Variants in COL8A2 observed in about 807,000 individuals in gnomAD.
COL8A2 encodes the protein collagen type VIII alpha 2 chain.
COL8A2 carries 16 observed loss-of-function variants against 24.0 expected under a neutral mutation model. The ratio of observed to expected loss-of-function variants is 0.67; its 90% CI spans 0.45 to 1.01. The LOEUF (loss-of-function observed/expected upper bound fraction) is 1.01, where lower values mean the gene tolerates loss of function less well. COL8A2 is among the 50% of genes least tolerant of loss of function. The probability of loss-of-function intolerance (pLI) is 0.00; values close to 1 mark genes in which losing one functional copy is unlikely to be tolerated. For missense variants in COL8A2, 818 were observed against 942.4 expected, an observed-to-expected ratio of 0.87 and a Z score of 1.73; for synonymous variants, 466 against 424.5, an observed-to-expected ratio of 1.10 and a Z score of -1.20.
Position 36,098,844 on chromosome 1 carries a change from A to G in COL8A2, c.837T>C (p.Gly279=), listed in dbSNP as rs1366693146. 6.2e-7 allele frequency: 1 copy of G among 1,611,736 alleles called. No homozygotes were observed. The highest frequency in any genetic ancestry group is 1.7e-5 in the Admixed American group (1 of 59,976). ...ACCCTGCTGCCCCTGGGACTCCCAC[A>G]CCGTCTACTCCAGGAGGTCCTTTTG... ...VGPKGPPGVD[G]VGVPGAAGLP... is the part of the protein sequence containing the mutation. Residue 279 remains glycine (G), a synonymous_variant, in exon 4 of 4, where the codon GGT becomes GGC. Transcript: ENST00000397799.
At chr1:36,116,475 C>T (rs758287428) in intron 1 of COL8A2, among the ~76,000 whole-genome samples, 22 of 152,230 alleles carry the variant, frequency 1.4e-4, no homozygotes, top group Non-Finnish European at 1.6e-4. Flanking sequence ...GTGGAGGACC[C>T]AAGCCTGGGT....
intron 2 of COL8A2, among the ~76,000 whole-genome samples, chr1:36,102,425 C>T (rs1303991585): frequency 1.3e-5 from 2 of 151,950 alleles, no homozygotes; most frequent in African/African-American, 4.8e-5. Context: ...CTCAGCCTCC[C>T]AAGTAGCTGG....
Position 36,115,629 on chromosome 1 carries a change from GA to G in COL8A2, c.-17+78del. On this transcript the variant is annotated intron_variant, in intron 2 of 3. Transcript: ENST00000397799. The surrounding 1 kb of genome is among the most constrained non-coding windows in gnomAD (Gnocchi z 5.7). ...GAGGGGCTTCCGGTGCAGCAGGAGG[GA>G]GTGAGGTTAGACAGCAATGAACACA... 1.2e-6 allele frequency: 1 copy of G among 819,092 alleles called. No individual in the cohort carries two copies. The highest frequency in any genetic ancestry group is 1.2e-4 in the East Asian group (1 of 8,034). The allele number at this position is 819,092 out of a possible 1,614,324, so 50.7% of individuals were successfully genotyped here.
chr1:36,098,427 TC>T lies in COL8A2; in HGVS notation c.1253del (p.Gly418AspfsTer41). The T allele has an allele frequency of 6.3e-7, 1 of 1,582,512 alleles. No individual in the cohort carries two copies. The highest frequency in any genetic ancestry group is 8.6e-7 in the Non-Finnish European group (1 of 1,164,938). On this transcript the variant is annotated frameshift_variant, in exon 4 of 4. Transcript: ENST00000397799. LOFTEE classifies it high-confidence loss of function. ...CCTTGGGCCCAGTTGGTCCAGGGGGTCCATGGGCCCCAGGAAGTCCCCTCTC... is the reference window on the plus strand; with the variant it reads ...CCTTGGGCCCAGTTGGTCCAGGGGGTCATGGGCCCCAGGAAGTCCCCTCTC... The part of the protein sequence containing the change: ...PGERGLPGAH[G>X]PPGPTGPKGE...
At chr1:36,110,030 C>T (rs1288835418) in intron 2 of COL8A2, among the ~76,000 whole-genome samples, 2 of 148,536 alleles carry the variant, frequency 1.3e-5, no homozygotes, top group Non-Finnish European at 3.0e-5. Context: ...CCTAGGTTCA[C>T]GCCATTCTCC....
chr1:36,121,931 C>G (rs1399281884), intron 1 of COL8A2, among the ~76,000 whole-genome samples: 1 of 152,124 alleles, frequency 6.6e-6, no homozygotes, highest in African/African-American at 2.4e-5. Flanking sequence ...TGCCACCTGG[C>G]TCTCCCCATG....
intron 1 of COL8A2, among the ~76,000 whole-genome samples, chr1:36,116,072 AG>A (rs961066301): frequency 1.4e-5 from 2 of 147,028 alleles, no homozygotes; most frequent in African/African-American, 5.1e-5. Flanking sequence ...AAAAAAAAAA[AG>A]GAGGAACAGT....
chr1:36,099,973 T>C, intron 3 of COL8A2, 77 bp downstream of exon 3: 1 of 1,402,676 alleles, frequency 7.1e-7, no homozygotes, highest in African/African-American at 1.4e-5. Flanking sequence ...CGCCTGAGGA[T>C]CTGATGGCTC....
intron 2 of COL8A2, among the ~76,000 whole-genome samples, chr1:36,113,235 G>A (rs951920126): frequency 5.9e-5 from 9 of 152,148 alleles, no homozygotes; most frequent in Non-Finnish European, 4.4e-5. Flanking sequence ...CTGAACCCAG[G>A]CCTTTGCCTC....
intron 1 of COL8A2, among the ~76,000 whole-genome samples, chr1:36,124,117 C>T (rs1306312788): frequency 1.3e-5 from 2 of 152,140 alleles, no homozygotes; most frequent in Non-Finnish European, 2.9e-5. Flanking sequence ...GGATGAGCCC[C>T]TGCTGCCAGC....
chr1:36,114,925 C>T (rs1403949505), intron 2 of COL8A2, among the ~76,000 whole-genome samples: 1 of 152,176 alleles, frequency 6.6e-6, no homozygotes, highest in Non-Finnish European at 1.5e-5. Flanking sequence ...GGCCTCTGCC[C>T]ATCTCTGAGT....
intron 2 of COL8A2, among the ~76,000 whole-genome samples, chr1:36,114,032 T>A (rs1432377736): frequency 6.6e-6 from 1 of 151,732 alleles, no homozygotes; most frequent in South Asian, 2.1e-4. Flanking sequence ...AAAATACAGG[T>A]TCGTGGCTGG....
At chr1:36,113,286 A>G (rs1165773664) in intron 2 of COL8A2, among the ~76,000 whole-genome samples, 1 of 152,066 alleles carries the variant, frequency 6.6e-6, no homozygotes, top group Non-Finnish European at 1.5e-5. Flanking sequence ...CGTCTCTCTC[A>G]TCCTGTCTCT....
In COL8A2 at chr1:36,102,671, G is replaced by GT. The variant is rs71053904; in HGVS notation, c.-16-2414dup. On this transcript the variant is annotated intron_variant, in intron 2 of 3. Coordinates refer to ENST00000397799, the MANE Select transcript of COL8A2 (RefSeq NM_005202.4). ...ATTATATCTATAAAGCTGGTTTTTT[G>GT]TTTTTTTTTTTTTTTTTTGAGATGG... Among the ~76,000 whole-genome samples the GT allele has an allele frequency of 1.3e-3, 156 of 122,370 alleles. 2 individuals are homozygous for GT. Among genetic ancestry groups the GT allele is most frequent in the Non-Finnish European group, 1.6e-3 (100 of 63,212 alleles). The allele number at this position is 122,370 out of a possible 152,430, so 80.3% of individuals were successfully genotyped here.
chr1:36,123,507 G>T lies in COL8A2; in HGVS notation c.-62+1550C>A, dbSNP rs1643929376. ...TCATTTTCACTGTGGTAGACGAAGT[G>T]AAACCAGAGAAAGAGACCCTGGTGA... On this transcript the variant is annotated intron_variant, in intron 1 of 3. Coordinates refer to ENST00000397799, the MANE Select transcript of COL8A2 (RefSeq NM_005202.4). This position sits in a 1 kb window ranked among gnomAD's most constrained non-coding sequence, Gnocchi z 4.1. Among the ~76,000 whole-genome samples, 1 of 152,186 alleles carries T rather than the reference G, an allele frequency of 6.6e-6. No homozygotes were observed. The highest frequency in any genetic ancestry group is 1.5e-5 in the Non-Finnish European group (1 of 68,038).
At position 36,097,821 on chromosome 1, in the gene COL8A2, G is replaced by A. The variant is rs567011408; in HGVS notation, c.1860C>T (p.Tyr620=). 9.3e-6 allele frequency: 15 copies of A among 1,613,612 alleles called. 1 individual carries two copies. The East Asian group carries it at 3.1e-4, about 34-fold the overall frequency. ...GIFTCPVGGV[Y]YFAYHVHVKG... ...TGACGTGCACATGGTAAGCAAAGTA[G>A]TAGACGCCGCCCACAGGGCAGGTGA... The change falls in exon 4 of 4, where the codon TAC becomes TAT. Residue 620 remains tyrosine (Y), a synonymous_variant. Transcript: ENST00000397799.
chr1:36,124,450 G>T (rs531404289), intron 1 of COL8A2, among the ~76,000 whole-genome samples: 1 of 150,904 alleles, frequency 6.6e-6, no homozygotes, highest in South Asian at 2.1e-4. Context: ...CCCCCTGCAA[G>T]TCTCAGTCTG....
chr1:36,106,812 T>C (rs180747423), intron 2 of COL8A2, among the ~76,000 whole-genome samples: 2 of 152,342 alleles, frequency 1.3e-5, no homozygotes, highest in African/African-American at 4.8e-5. Flanking sequence ...CTCCAGCAAG[T>C]GTCCTTGACC....
chr1:36,105,966 A>G (rs5773518), intron 2 of COL8A2, among the ~76,000 whole-genome samples: 4,407 of 137,448 alleles, frequency 0.032, 247 homozygotes, highest in East Asian at 0.24. Flanking sequence ...AAAAAAAAAA[A>G]AGAGAGAGAG....
Sources: allele counts gnomAD v4.1 joint callset (sites outside exome capture counted in the v4.1 genomes callset), GRCh38; gene constraint gnomAD v4.1.1; non-coding constraint Gnocchi (gnomAD v3.1); transcripts MANE v1.5; gene names NCBI Gene and HGNC (gene_info 2026-07-23, HGNC 2026-07-21).